The following RRM1 variants were observed in gnomAD, a reference collection of about 807,000 sequenced individuals.
RRM1 encodes ribonucleotide reductase catalytic subunit M1, also known as ribonucleoside-diphosphate reductase large subunit.
A neutral mutation model predicts 101.5 loss-of-function variants in RRM1; 19 were observed. The ratio of observed to expected loss-of-function variants is 0.19; its 90% CI spans 0.13 to 0.27. The LOEUF (loss-of-function observed/expected upper bound fraction) is 0.27. RRM1 is among the 10% of genes least tolerant of loss of function. The probability of loss-of-function intolerance (pLI) is 1.00; values close to 1 mark genes in which losing one functional copy is unlikely to be tolerated. For synonymous variants in RRM1, 298 were observed against 323.4 expected (o/e 0.92, Z 0.84); for missense variants, 500 against 962.9 (o/e 0.52, Z 6.36).
At chr11:4,115,353 C>T (rs1206809558) in intron 7 of RRM1, among the ~76,000 whole-genome samples, 2 of 151,856 alleles carry the variant, frequency 1.3e-5, no homozygotes, top group African/African-American at 4.8e-5. Flanking sequence ...AAGAGAGAGG[C>T]TGAGGGAGAT....
intron 12 of RRM1, among the ~76,000 whole-genome samples, chr11:4,124,085 AGATT>A (rs2094585912): frequency 6.6e-6 from 1 of 152,196 alleles, no homozygotes; most frequent in African/African-American, 2.4e-5. Context: ...TGGTGCAAGT[AGATT>A]AATTATTGGA....
chr11:4,111,450 G>T, intron 5 of RRM1, 151 bp from the exon 6 acceptor site: 1 of 444,520 alleles, frequency 2.2e-6, no homozygotes, highest in Non-Finnish European at 4.0e-6. Context: ...TGTTCCAGAT[G>T]AAGCTAGGAA....
chr11:4,120,008 G>A (rs1265675220), intron 9 of RRM1, 80 bp downstream of exon 9: 5 of 829,574 alleles, frequency 6.0e-6, no homozygotes, highest in South Asian at 1.5e-5. Context: ...GTTCATTTAT[G>A]TGTAGTTTCT....
At chr11:4,115,427 A>G (rs2094571496) in intron 7 of RRM1, among the ~76,000 whole-genome samples, 1 of 152,000 alleles carries the variant, frequency 6.6e-6, no homozygotes, top group South Asian at 2.1e-4. Context: ...TCATGTGGCC[A>G]CAAAGGAGAG....
chr11:4,100,849 G>A (rs534543444), intron 1 of RRM1, among the ~76,000 whole-genome samples: 1 of 151,456 alleles, frequency 6.6e-6, no homozygotes, highest in South Asian at 2.1e-4. Context: ...TCTGTGAAAT[G>A]ACTGATTGTG....
chr11:4,132,488 A>G lies in RRM1; in HGVS notation c.1905+67A>G. On this transcript the variant is annotated intron_variant, in intron 16 of 18. Transcript: ENST00000300738. This position sits in a 1 kb window ranked among gnomAD's most constrained non-coding sequence, Gnocchi z 4.1. ...AGCCTGATGTTGGGAGTAAATGCTCACTCATGTTTAATTTGCCCATTTTCT... is the reference window on the plus strand; with the variant it reads ...AGCCTGATGTTGGGAGTAAATGCTCGCTCATGTTTAATTTGCCCATTTTCT... 2 of 1,550,212 alleles carry G rather than the reference A, an allele frequency of 1.3e-6. No individual in the cohort carries two copies. The highest frequency in any genetic ancestry group is 1.7e-4 in the Middle Eastern group (1 of 5,870).
chr11:4,121,857 T>C lies in RRM1; in HGVS notation c.1038+92T>C, dbSNP rs7114316. 7.3e-3 allele frequency: 9,044 copies of C among 1,231,134 alleles called. 305 individuals are homozygous for C. In the African/African-American group the frequency reaches 0.092, roughly 13 times the overall value. 76.3% of individuals were successfully genotyped at this position (1,231,134 alleles called of 1,614,324 possible). A position where few individuals can be genotyped will look rare whatever the true frequency, so the allele number is the denominator to read the frequency against. On this transcript the variant is annotated intron_variant, in intron 10 of 18. Coordinates refer to ENST00000300738, the MANE Select transcript of RRM1 (RefSeq NM_001033.5). ...TTAAGTCATGCTTAGGAAGAGCCCA[T>C]ATGTGTGTGATGCCACAGAAGGCAT...
rs34715101 is a variant in RRM1, at chr11:4,133,980, A to ATTTTTTTTTTT, written c.2001+336_2001+346dup. On this transcript the variant is annotated intron_variant, in intron 17 of 18. Transcript: ENST00000300738. ...GTCTAGGAACAGGAACCAGACATCA[A>ATTTTTTTTTTT]TTTTTTTTTTTTTTTTTTTTTTTTG... 2.0e-4 allele frequency among the ~76,000 whole-genome samples: 18 copies of ATTTTTTTTTTT among 90,866 alleles called. 2 individuals are homozygous for ATTTTTTTTTTT. The highest frequency in any genetic ancestry group is 6.3e-4 in the African/African-American group (14 of 22,214). 59.6% of individuals were successfully genotyped at this position (90,866 alleles called of 152,430 possible).
rs946025549 is a variant in RRM1 at position 4,094,846 on chromosome 11, T to C, written c.-167T>C. ...GGGCGCGGGAAGGGGATTTGGATTGTTGCGCCTCTGCTCTGAAGAAAGTGC... is the reference window on the plus strand; with the variant it reads ...GGGCGCGGGAAGGGGATTTGGATTGCTGCGCCTCTGCTCTGAAGAAAGTGC... On this transcript the variant is annotated 5_prime_UTR_variant, in exon 1 of 19. Coordinates refer to ENST00000300738, the MANE Select transcript of RRM1 (RefSeq NM_001033.5). 26 of 681,276 alleles carry C rather than the reference T, an allele frequency of 3.8e-5. No homozygotes were observed. Among genetic ancestry groups the C allele is most frequent in the Non-Finnish European group, 5.1e-5 (20 of 390,832 alleles). The allele number at this position is 681,276 out of a possible 1,614,324, so 42.2% of individuals were successfully genotyped here.
intron 18 of RRM1, among the ~76,000 whole-genome samples, chr11:4,136,888 C>T (rs931772019): frequency 6.6e-6 from 1 of 151,708 alleles, no homozygotes; most frequent in African/African-American, 2.4e-5. Context: ...ACAAAGGTCT[C>T]TGGTTTTCCT....
At position 4,094,938 on chromosome 11, in the gene RRM1, A is replaced by G. The variant is rs1291649251; in HGVS notation, c.-75A>G. 6.7e-7 allele frequency: 1 copy of G among 1,503,714 alleles called. No individual in the cohort carries two copies. The highest frequency in any genetic ancestry group is 1.4e-5 in the African/African-American group (1 of 71,978). The allele number at this position is 1,503,714 out of a possible 1,614,324, so 93.1% of individuals were successfully genotyped here. A position where few individuals can be genotyped will look rare whatever the true frequency, so the allele number is the denominator to read the frequency against. ...GGAACCTAACCCTTCCCACTCTGTC[A>G]CCTTCTCGATCCCGCCGGCGCTTTA... On this transcript the variant is annotated 5_prime_UTR_variant, in exon 1 of 19. Transcript: ENST00000300738.
chr11:4,117,575 A>C (rs1167099849), intron 7 of RRM1, among the ~76,000 whole-genome samples: 2 of 152,242 alleles, frequency 1.3e-5, no homozygotes, highest in Admixed American at 6.5e-5. Flanking sequence ...TAAGTGTATA[A>C]CATGTAAAAA....
At position 4,111,598 on chromosome 11, in the gene RRM1, T is replaced by C; in HGVS notation, c.448-3T>C. 1.9e-6 allele frequency: 3 copies of C among 1,595,462 alleles called. No individual in the cohort carries two copies. The highest frequency in any genetic ancestry group is 2.6e-6 in the Non-Finnish European group (3 of 1,170,466). ...AAATTTTTTGTTGTTTCTCTCTTTC[T>C]AGACGCTAGAGCGGTCTTATTTGTT... On this transcript the variant is annotated splice_polypyrimidine_tract_variant and splice_region_variant and intron_variant, in intron 5 of 18. Coordinates refer to ENST00000300738, the MANE Select transcript of RRM1 (RefSeq NM_001033.5).
At chr11:4,117,226 T>C (rs1286544112) in intron 7 of RRM1, among the ~76,000 whole-genome samples, 2 of 152,208 alleles carry the variant, frequency 1.3e-5, no homozygotes, top group Non-Finnish European at 2.9e-5. Context: ...TCCATCCACT[T>C]TGGAGAATCT....
intron 4 of RRM1, among the ~76,000 whole-genome samples, chr11:4,107,798 GTT>G (rs2094560273): frequency 6.6e-6 from 1 of 152,082 alleles, no homozygotes; most frequent in Non-Finnish European, 1.5e-5. Flanking sequence ...TGTGCATACA[GTT>G]TTCATTGATA....
chr11:4,105,955 C>A, intron 2 of RRM1, 91 bp from the exon 3 acceptor site: 1 of 1,065,726 alleles, frequency 9.4e-7, no homozygotes, highest in Non-Finnish European at 1.4e-6. Flanking sequence ...TGTACTACCA[C>A]ACCTGGCCAT....
chr11:4,095,491 G>T (rs74054319), intron 1 of RRM1, among the ~76,000 whole-genome samples: 12,599 of 152,240 alleles, frequency 0.083, 514 homozygotes, highest in African/African-American at 0.099. Flanking sequence ...TAGGCACAGG[G>T]TCGGGGGGCA....
chr11:4,113,406 CTG>C (rs1410187551), intron 7 of RRM1, among the ~76,000 whole-genome samples: 4 of 152,132 alleles, frequency 2.6e-5, no homozygotes, highest in African/African-American at 9.7e-5. Flanking sequence ...GGGAACAAAA[CTG>C]TAATGATTTG....
chr11:4,115,071 A>T (rs1464669706), intron 7 of RRM1, among the ~76,000 whole-genome samples: 1 of 152,170 alleles, frequency 6.6e-6, no homozygotes, highest in Admixed American at 6.5e-5. Flanking sequence ...ATAATAAATA[A>T]ATGGAATAGA....
Sources: gnomAD v4.1 joint callset for allele counts (sites outside exome capture counted in the v4.1 genomes callset) on GRCh38, gnomAD v4.1.1 for gene constraint, Gnocchi (gnomAD v3.1) non-coding constraint, MANE v1.5 for transcripts, NCBI Gene and HGNC (gene_info 2026-07-23, HGNC 2026-07-21) for gene names.